The following FYN variants were observed in gnomAD, a reference collection of about 807,000 sequenced individuals.
FYN encodes tyrosine-protein kinase Fyn.
A neutral mutation model predicts 70.2 loss-of-function variants in FYN; 10 were observed. The observed-to-expected ratio is 0.14, with a 90% CI of 0.09 to 0.24. The LOEUF (loss-of-function observed/expected upper bound fraction) is 0.24. Among genes scored for constraint, FYN ranks in the 10% least tolerant of loss-of-function variants. FYN has a pLI of 1.00. For synonymous variants in FYN, 236 were observed against 248.6 expected, an observed-to-expected ratio of 0.95 and a Z score of 0.48; for missense variants, 319 against 673.1, an observed-to-expected ratio of 0.47 and a Z score of 5.82.
At chr6:111,846,892 GA>G (rs1562543531) in intron 1 of FYN, among the ~76,000 whole-genome samples, 2 of 152,142 alleles carry the variant, frequency 1.3e-5, no homozygotes, top group Non-Finnish European at 2.9e-5. Flanking sequence ...GATAAGGATA[GA>G]GGCCTTGTGT....
intron 1 of FYN, among the ~76,000 whole-genome samples, chr6:111,862,901 G>C (rs556475155): frequency 1.3e-5 from 2 of 152,150 alleles, no homozygotes; most frequent in Non-Finnish European, 2.9e-5. Flanking sequence ...GGGGGATTCC[G>C]GGAAAGGAAA....
chr6:111,717,462 T>TC (rs1476119622), intron 4 of FYN, among the ~76,000 whole-genome samples: 3 of 141,484 alleles, frequency 2.1e-5, no homozygotes, highest in Admixed American at 2.1e-4. Flanking sequence ...GGGAGCCCAC[T>TC]TTTTTTTTTT....
intron 2 of FYN, among the ~76,000 whole-genome samples, chr6:111,805,526 C>T (rs1051129576): frequency 2.6e-5 from 4 of 152,164 alleles, no homozygotes; most frequent in Admixed American, 6.5e-5. Context: ...CCAGTCTTTA[C>T]GCAGAATAAA....
chr6:111,734,693 C>T (rs965514689), intron 3 of FYN, among the ~76,000 whole-genome samples: 7 of 152,066 alleles, frequency 4.6e-5, no homozygotes, highest in African/African-American at 9.7e-5. Context: ...AATGAAGAAA[C>T]GACCCCCCCT....
chr6:111,704,211 T>C (rs1799964422), intron 6 of FYN, 109 bp from the exon 7 acceptor site: 3 of 773,888 alleles, frequency 3.9e-6, no homozygotes, highest in Non-Finnish European at 6.4e-6. Flanking sequence ...AATTTAGTCC[T>C]TAACCTTTCC....
At chr6:111,864,301 T>C (rs962499545) in intron 1 of FYN, among the ~76,000 whole-genome samples, 3 of 152,320 alleles carry the variant, frequency 2.0e-5, no homozygotes, top group Admixed American at 2.0e-4. Context: ...GCCAGACTGC[T>C]GTGTTCAGAT....
At chr6:111,840,648 T>C (rs368213215) in intron 2 of FYN, among the ~76,000 whole-genome samples, 28 of 152,196 alleles carry the variant, frequency 1.8e-4, no homozygotes, top group African/African-American at 6.8e-4. Flanking sequence ...GGGCTAAAAG[T>C]GGGCAGTAAT....
chr6:111,708,782 G>A (rs77951334), intron 5 of FYN, among the ~76,000 whole-genome samples: 10,541 of 152,152 alleles, frequency 0.069, 1,096 homozygotes, highest in African/African-American at 0.23. Flanking sequence ...TTTTAGTCAC[G>A]CCACTTTGTA....
At chr6:111,735,441 G>T (rs891077469) in intron 3 of FYN, among the ~76,000 whole-genome samples, 5 of 152,186 alleles carry the variant, frequency 3.3e-5, no homozygotes, top group African/African-American at 1.2e-4. Flanking sequence ...CCTGTGCTGG[G>T]TATTATCATC....
At chr6:111,853,958 A>T (rs1773755627) in intron 1 of FYN, among the ~76,000 whole-genome samples, 2 of 152,196 alleles carry the variant, frequency 1.3e-5, no homozygotes, top group Non-Finnish European at 2.9e-5. Flanking sequence ...GTCCAGACAA[A>T]GGAGGGTGGA....
At chr6:111,673,223 G>A (rs1031594356) in intron 13 of FYN, among the ~76,000 whole-genome samples, 9 of 152,084 alleles carry the variant, frequency 5.9e-5, no homozygotes, top group East Asian at 3.9e-4. Context: ...CCCCCAGGGC[G>A]GCCCTTTCTT....
intron 12 of FYN, among the ~76,000 whole-genome samples, chr6:111,692,103 C>CT (rs939651820): frequency 7.2e-6 from 1 of 138,930 alleles, no homozygotes; most frequent in Non-Finnish European, 1.6e-5. Flanking sequence ...GCTTCATTTC[C>CT]CCCCCCCCCA....
At chr6:111,850,758 T>C (rs1043274879) in intron 1 of FYN, among the ~76,000 whole-genome samples, 1 of 152,216 alleles carries the variant, frequency 6.6e-6, no homozygotes, top group Non-Finnish European at 1.5e-5. Flanking sequence ...CCCTGAGGCC[T>C]GTGCAGCTGC....
rs1470433833 is a variant in FYN, at chr6:111,766,248, T to A, written c.-12+14318A>T. 3.9e-5 allele frequency among the ~76,000 whole-genome samples: 6 copies of A among 152,262 alleles called. No individual in the cohort carries two copies. The East Asian group carries it at 1.2e-3, about 29-fold the overall frequency. ...CCAAGACCCCACAGCTGGTCAGCAA[T>A]GGAGCTCAGATGCAAGCACATGCCC... On this transcript the variant is annotated intron_variant, in intron 3 of 13. Coordinates refer to ENST00000354650, the MANE Select transcript of FYN (RefSeq NM_002037.5).
At chr6:111,700,289 C>G (rs766137100) in intron 8 of FYN, 21 bp from the exon 9 acceptor site, 1 of 1,613,012 alleles carries the variant, frequency 6.2e-7, no homozygotes, top group Non-Finnish European at 8.5e-7. Context: ...AGGGCAGGGG[C>G]AGGAGAGGGA....
intron 1 of FYN, among the ~76,000 whole-genome samples, chr6:111,847,772 G>A (rs1026388747): frequency 6.6e-6 from 1 of 152,194 alleles, no homozygotes; most frequent in Non-Finnish European, 1.5e-5. Context: ...AAGAAAAAAT[G>A]ACCATGAGGA....
chr6:111,745,651 A>C (rs1346590879), intron 3 of FYN, among the ~76,000 whole-genome samples: 2 of 152,212 alleles, frequency 1.3e-5, no homozygotes, highest in Non-Finnish European at 2.9e-5. Flanking sequence ...GAGTTGCACA[A>C]TGGATTTGTA....
At chr6:111,738,685 C>A (rs1036952248) in intron 3 of FYN, among the ~76,000 whole-genome samples, 1 of 152,154 alleles carries the variant, frequency 6.6e-6, no homozygotes, top group African/African-American at 2.4e-5. Flanking sequence ...TTGGCATCAT[C>A]CTCATTTTCA....
intron 1 of FYN, among the ~76,000 whole-genome samples, chr6:111,858,591 G>A (rs1295192365): frequency 6.6e-6 from 1 of 152,066 alleles, no homozygotes; most frequent in Non-Finnish European, 1.5e-5. Context: ...GGCTAACTCT[G>A]TTCTCTGAAA....
Sources: gnomAD v4.1 joint callset for allele counts (sites outside exome capture counted in the v4.1 genomes callset) on GRCh38, gnomAD v4.1.1 for gene constraint, MANE v1.5 for transcripts, NCBI Gene and HGNC (gene_info 2026-07-23, HGNC 2026-07-21) for gene names.